RBFOX1: variants seen among roughly 807,000 people sequenced by gnomAD.
The protein encoded by RBFOX1 is RNA binding fox-1 homolog 1.
In RBFOX1, 8 loss-of-function variants were observed where a neutral mutation model predicts 57.7. The observed-to-expected ratio is 0.14, with a 90% CI of 0.08 to 0.25. RBFOX1 has a LOEUF of 0.25. RBFOX1 is among the 10% of genes least tolerant of loss of function. The probability of loss-of-function intolerance (pLI) is 1.00; values close to 1 mark genes in which losing one functional copy is unlikely to be tolerated. For missense variants in RBFOX1, 611 were observed against 548.5 expected, an observed-to-expected ratio of 1.11 and a Z score of -1.14; for synonymous variants, 326 against 222.4, an observed-to-expected ratio of 1.47 and a Z score of -4.15.
intron 4 of RBFOX1, among the ~76,000 whole-genome samples, chr16:7,235,310 A>T (rs2093712704): frequency 6.6e-6 from 1 of 152,206 alleles, no homozygotes; most frequent in South Asian, 2.1e-4. Context: ...AAGTGTGGCA[A>T]CCAGTGTGAC....
chr16:7,169,957 C>G (rs2080354605), intron 4 of RBFOX1, among the ~76,000 whole-genome samples: 1 of 152,014 alleles, frequency 6.6e-6, no homozygotes, highest in Non-Finnish European at 1.5e-5. Flanking sequence ...CCTGTGGTCC[C>G]AGCTACTTGG....
chr16:6,943,166 C>T (rs1219311814), intron 3 of RBFOX1, among the ~76,000 whole-genome samples: 2 of 152,164 alleles, frequency 1.3e-5, no homozygotes, highest in Non-Finnish European at 2.9e-5. Flanking sequence ...ACCAGCTCTC[C>T]ACTCTCCACA....
At chr16:5,379,289 A>G (rs776642251) in intron 1 of RBFOX1, among the ~76,000 whole-genome samples, 2 of 151,560 alleles carry the variant, frequency 1.3e-5, no homozygotes, top group Non-Finnish European at 2.9e-5. Flanking sequence ...ATATGAAAGC[A>G]GTTTTTATCG....
intron 3 of RBFOX1, among the ~76,000 whole-genome samples, chr16:5,705,867 C>T (rs1216934998): frequency 6.6e-6 from 1 of 152,168 alleles, no homozygotes; most frequent in Non-Finnish European, 1.5e-5. Flanking sequence ...AAATAGGTGC[C>T]TGATAGATGT....
chr16:5,752,052 G>C (rs1402581816), intron 3 of RBFOX1, among the ~76,000 whole-genome samples: 1 of 152,176 alleles, frequency 6.6e-6, no homozygotes, highest in Admixed American at 6.5e-5. Flanking sequence ...ATTGGATAGA[G>C]AAAATGTATG....
At chr16:6,147,684 A>G (rs1470177005) in intron 1 of RBFOX1, among the ~76,000 whole-genome samples, 2 of 152,196 alleles carry the variant, frequency 1.3e-5, no homozygotes, top group African/African-American at 4.8e-5. Flanking sequence ...CATCAGACTT[A>G]ATGCCTCCTT....
intron 2 of RBFOX1, among the ~76,000 whole-genome samples, chr16:6,422,172 T>C (rs562285414): frequency 6.6e-6 from 1 of 152,014 alleles, no homozygotes; most frequent in South Asian, 2.1e-4. Context: ...ATCTGCCACC[T>C]TGGCCTCCCA....
intron 3 of RBFOX1, among the ~76,000 whole-genome samples, chr16:5,661,180 A>T (rs994587165): frequency 6.6e-6 from 1 of 152,186 alleles, no homozygotes; most frequent in African/African-American, 2.4e-5. Context: ...CTACTTTCCC[A>T]ACTTTAATTA....
intron 4 of RBFOX1, among the ~76,000 whole-genome samples, chr16:7,214,135 C>T (rs2091632238): frequency 6.6e-6 from 1 of 152,010 alleles, no homozygotes; most frequent in African/African-American, 2.4e-5. Flanking sequence ...GTTCTCTGAC[C>T]ATTTATCTCA....
At chr16:5,724,038 C>T (rs2052038113) in intron 3 of RBFOX1, among the ~76,000 whole-genome samples, 2 of 152,216 alleles carry the variant, frequency 1.3e-5, no homozygotes, top group Middle Eastern at 6.8e-3. Context: ...TTTGTGTGTC[C>T]GTGTGTGTGC....
chr16:5,965,564 T>G (rs2059827139), intron 4 of RBFOX1, among the ~76,000 whole-genome samples: 1 of 152,096 alleles, frequency 6.6e-6, no homozygotes, highest in Non-Finnish European at 1.5e-5. Flanking sequence ...TTCTGTCACA[T>G]AAGAAGCAGG....
intron 2 of RBFOX1, among the ~76,000 whole-genome samples, chr16:6,420,182 C>T (rs979253806): frequency 6.6e-6 from 1 of 152,182 alleles, no homozygotes; most frequent in African/African-American, 2.4e-5. Flanking sequence ...AAAGGGAGAA[C>T]TCTTTCCCTT....
intron 3 of RBFOX1, among the ~76,000 whole-genome samples, chr16:6,958,331 C>T (rs988210867): frequency 1.3e-5 from 2 of 152,148 alleles, no homozygotes; most frequent in African/African-American, 4.8e-5. Context: ...AGAACTTAAC[C>T]TTCTGAATCC....
At chr16:6,979,636 C>A (rs1415508532) in intron 3 of RBFOX1, among the ~76,000 whole-genome samples, 2 of 152,152 alleles carry the variant, frequency 1.3e-5, no homozygotes, top group Non-Finnish European at 2.9e-5. Flanking sequence ...TCAGAACTTT[C>A]TTTTGGGTTG....
chr16:5,756,126 T>TGCCTC, intron 3 of RBFOX1, among the ~76,000 whole-genome samples: 1 of 148,692 alleles, frequency 6.7e-6, no homozygotes, highest in South Asian at 2.2e-4. Context: ...CTACAGGTGG[T>TGCCTC]GCCTCAGGGA....
intron 1 of RBFOX1, among the ~76,000 whole-genome samples, chr16:6,216,276 G>A (rs552206929): frequency 2.6e-5 from 4 of 151,972 alleles, no homozygotes; most frequent in African/African-American, 4.8e-5. Context: ...ACCCCTGAAC[G>A]TAAAATAAAA....
rs748091790 is a variant in RBFOX1, at chr16:6,878,907, TAAAGAA to T, written c.-15-173147_-15-173142del. The stretch of plus-strand genomic sequence containing the variant: ...AGTTCTCCCAGTACCATCTTCAAGT[TAAAGAA>T]AAGGGTAGGATTTTTTTTCCCCTAT... On this transcript the variant is annotated intron_variant, in intron 3 of 15. Coordinates refer to ENST00000550418, the MANE Select transcript of RBFOX1 (RefSeq NM_018723.4). Among the ~76,000 whole-genome samples the T allele has an allele frequency of 5.8e-4, 88 of 152,316 alleles. 1 individual carries two copies. Among genetic ancestry groups the T allele is most frequent in the Non-Finnish European group, 3.8e-4 (26 of 68,028 alleles).
chr16:6,319,605 C>T (rs993677623), intron 2 of RBFOX1, among the ~76,000 whole-genome samples: 2 of 152,154 alleles, frequency 1.3e-5, no homozygotes, highest in African/African-American at 4.8e-5. Context: ...TACTCTTCTT[C>T]AAAGCTTTCA....
chr16:6,033,485 A>C (rs2095319548), intron 1 of RBFOX1, among the ~76,000 whole-genome samples: 1 of 152,220 alleles, frequency 6.6e-6, no homozygotes, highest in South Asian at 2.1e-4. Flanking sequence ...AAACATTTAC[A>C]CAGATATTTA....
Sources: gnomAD v4.1 joint callset for allele counts (sites outside exome capture counted in the v4.1 genomes callset) on GRCh38, gnomAD v4.1.1 for gene constraint, MANE v1.5 for transcripts, NCBI Gene and HGNC (gene_info 2026-07-23, HGNC 2026-07-21) for gene names.